PBX1: variants seen among roughly 807,000 people sequenced by gnomAD.
PBX1 encodes PBX homeobox 1.
Under a neutral mutation model 53.4 loss-of-function variants are expected in PBX1, and 6 were observed. The observed-to-expected ratio is 0.11, with a 90% CI of 0.06 to 0.22. PBX1 has a LOEUF of 0.22. Among genes scored for constraint, PBX1 ranks in the 10% least tolerant of loss-of-function variants. The pLI is 1.00. For synonymous variants in PBX1, 204 were observed against 212.3 expected, an observed-to-expected ratio of 0.96 and a Z score of 0.34; for missense variants, 251 against 551.4, an observed-to-expected ratio of 0.46 and a Z score of 5.46.
intron 2 of PBX1, among the ~76,000 whole-genome samples, chr1:164,730,802 CA>C (rs1469043374): frequency 2.0e-5 from 3 of 152,166 alleles, no homozygotes; most frequent in Non-Finnish European, 2.9e-5. Context: ...GCTAAAGAAG[CA>C]ACTAGAATAA....
At chr1:164,692,559 CTTTATA>C (rs1289590750) in intron 2 of PBX1, among the ~76,000 whole-genome samples, 2 of 151,782 alleles carry the variant, frequency 1.3e-5, no homozygotes, top group African/African-American at 4.8e-5. Flanking sequence ...TTATGCAGCA[CTTTATA>C]TTTAAAGTAA....
chr1:164,624,859 A>G (rs1657933887), intron 2 of PBX1, among the ~76,000 whole-genome samples: 1 of 152,220 alleles, frequency 6.6e-6, no homozygotes, highest in Non-Finnish European at 1.5e-5. Flanking sequence ...GCTTCTGTCT[A>G]GCCTGTTGTC....
chr1:164,602,367 CT>C (rs1434295019), intron 2 of PBX1, among the ~76,000 whole-genome samples: 1 of 152,172 alleles, frequency 6.6e-6, no homozygotes, highest in Non-Finnish European at 1.5e-5. Flanking sequence ...TCTCTTAATC[CT>C]TTTTTGAATC....
chr1:164,594,706 A>G (rs1655640047), intron 2 of PBX1, among the ~76,000 whole-genome samples: 1 of 152,244 alleles, frequency 6.6e-6, no homozygotes, highest in Non-Finnish European at 1.5e-5. Context: ...ATACTATTTC[A>G]ACATGTAATC....
At chr1:164,629,007 C>T (rs1308908323) in intron 2 of PBX1, among the ~76,000 whole-genome samples, 3 of 152,196 alleles carry the variant, frequency 2.0e-5, no homozygotes, top group Non-Finnish European at 4.4e-5. Flanking sequence ...GATGACATCT[C>T]ACGCAAGATT....
chr1:164,610,907 G>A (rs1300672054), intron 2 of PBX1, among the ~76,000 whole-genome samples: 1 of 152,206 alleles, frequency 6.6e-6, no homozygotes, highest in Non-Finnish European at 1.5e-5. Flanking sequence ...CTCCAGTGAG[G>A]CTGGCTTGCA....
intron 2 of PBX1, among the ~76,000 whole-genome samples, chr1:164,638,002 C>T (rs981970142): frequency 6.6e-6 from 1 of 152,148 alleles, no homozygotes; most frequent in Non-Finnish European, 1.5e-5. Flanking sequence ...GCTCTGGGGA[C>T]CATCTCAATA....
chr1:164,703,851 G>A (rs952929464), intron 2 of PBX1, among the ~76,000 whole-genome samples: 2 of 152,088 alleles, frequency 1.3e-5, no homozygotes, highest in East Asian at 1.9e-4. Flanking sequence ...CATGAGAACC[G>A]AACCACCATG....
In PBX1 at chr1:164,792,604, T is replaced by TCGGCGGCAG. The variant is rs770921151; in HGVS notation, c.393_401dup (p.Ala133_Ala135dup). The TCGGCGGCAG allele has an allele frequency of 1.6e-4, 264 of 1,612,514 alleles. No individual in the cohort carries two copies. The highest frequency in any genetic ancestry group is 2.0e-4 in the Non-Finnish European group (232 of 1,179,652). ...GGCGGGGCCTGAGAAGGGCGGAGGGTCGGCGGCAGCGGCGGCAGCGGCGGC... is the reference window on the plus strand; with the variant it reads ...GGCGGGGCCTGAGAAGGGCGGAGGGTCGGCGGCAGCGGCGGCAGCGGCGGCAGCGGCGGC... On this transcript the variant is annotated inframe_insertion, in exon 3 of 9. Transcript: ENST00000420696.
At chr1:164,753,165 T>C (rs748694646) in intron 2 of PBX1, among the ~76,000 whole-genome samples, 2 of 152,220 alleles carry the variant, frequency 1.3e-5, no homozygotes, top group Non-Finnish European at 2.9e-5. Flanking sequence ...CTCTCAAAAG[T>C]TCTTAATGGA....
At chr1:164,871,002 G>A (rs1475639147) in intron 2 of PBX1, among the ~76,000 whole-genome samples, 1 of 151,958 alleles carries the variant, frequency 6.6e-6, no homozygotes, top group East Asian at 1.9e-4. Flanking sequence ...AAACACTCTA[G>A]TTTTATAATC....
At chr1:164,637,580 C>T (rs927926404) in intron 2 of PBX1, among the ~76,000 whole-genome samples, 1 of 152,052 alleles carries the variant, frequency 6.6e-6, no homozygotes, top group East Asian at 1.9e-4. Context: ...TTGATTTGCT[C>T]AATAAGTTGA....
In PBX1 at chr1:164,588,754, C is replaced by G. The variant is rs1392908841; in HGVS notation, c.265+25443C>G. Among the ~76,000 whole-genome samples, 3 of 152,044 alleles carry G rather than the reference C, an allele frequency of 2.0e-5. No individual in the cohort carries two copies. The East Asian group carries it at 5.8e-4, about 29-fold the overall frequency. On this transcript the variant is annotated intron_variant, in intron 2 of 8. Coordinates refer to ENST00000420696, the MANE Select transcript of PBX1 (RefSeq NM_002585.4). The stretch of plus-strand genomic sequence containing the variant: ...AAACTAGCTCTTGGCTGGCCGCCCA[C>G]AGCATGGGCCCAACAGCCTTGTTTG...
intron 2 of PBX1, among the ~76,000 whole-genome samples, chr1:164,589,066 A>C (rs1328921579): frequency 9.2e-5 from 14 of 152,026 alleles, no homozygotes; most frequent in Admixed American, 9.2e-4. Context: ...AGTGGCGCAG[A>C]CCTTTTCCTG....
At chr1:164,852,849 G>T (rs1042009069), downstream of PBX1, among the ~76,000 whole-genome samples, 1 of 152,144 alleles carries the variant, frequency 6.6e-6, no homozygotes, top group Non-Finnish European at 1.5e-5. Flanking sequence ...CAAAATGGAG[G>T]ACTCGTGTTC....
intron 2 of PBX1, among the ~76,000 whole-genome samples, chr1:164,576,426 T>G (rs1002049344): frequency 3.9e-5 from 6 of 152,152 alleles, no homozygotes; most frequent in Admixed American, 6.5e-5. Context: ...CACCCGGTCT[T>G]CTCTGCACCC....
chr1:164,701,663 A>G (rs1379568446), intron 2 of PBX1, among the ~76,000 whole-genome samples: 1 of 152,212 alleles, frequency 6.6e-6, no homozygotes, highest in African/African-American at 2.4e-5. Context: ...CTTAAAGGTG[A>G]TAACTCACTA....
At chr1:164,728,258 A>G (rs1339249810) in intron 2 of PBX1, among the ~76,000 whole-genome samples, 1 of 151,938 alleles carries the variant, frequency 6.6e-6, no homozygotes, top group African/African-American at 2.4e-5. Context: ...CCGAGGCTGC[A>G]ATGAGCCATG....
At chr1:164,679,908 T>C (rs1156751004) in intron 2 of PBX1, among the ~76,000 whole-genome samples, 3 of 126,274 alleles carry the variant, frequency 2.4e-5, no homozygotes, top group Non-Finnish European at 3.3e-5. Flanking sequence ...TTATGTCTTA[T>C]GACTCCAAAC....
Sources: gnomAD v4.1 joint callset for allele counts (sites outside exome capture counted in the v4.1 genomes callset) on GRCh38, gnomAD v4.1.1 for gene constraint, MANE v1.5 for transcripts, NCBI Gene and HGNC (gene_info 2026-07-23, HGNC 2026-07-21) for gene names.